GOPC: variants seen among roughly 807,000 people sequenced by gnomAD.
GOPC encodes the protein Golgi-associated PDZ and coiled-coil motif-containing protein.
A neutral mutation model predicts 51.2 loss-of-function variants in GOPC; 32 were observed. The observed-to-expected ratio is 0.63, with a 90% confidence interval of 0.47 to 0.84. GOPC has a LOEUF of 0.84. Among genes scored for constraint, GOPC ranks in the 40% least tolerant of loss-of-function variants. The probability of loss-of-function intolerance (pLI) is 0.00; values close to 1 mark genes in which losing one functional copy is unlikely to be tolerated. For missense variants in GOPC, 441 were observed against 555.5 expected (o/e 0.79, Z 2.07); for synonymous variants, 190 against 205.1 (o/e 0.93, Z 0.63).
Position 117,587,078 on chromosome 6 carries a change from C to G in GOPC, c.286-8014G>C, listed in dbSNP as rs1163222918. Among the ~76,000 whole-genome samples, 4 of 152,088 alleles carry G rather than the reference C, an allele frequency of 2.6e-5. 1 individual carries two copies. In the Middle Eastern group the frequency reaches 9.5e-3, roughly 361 times the overall value. ...AGGTCAAATTGAAAATCTCTGCCATCCCTCAAGATAGGAAATAATACTCCT... is the reference window on the plus strand; with the variant it reads ...AGGTCAAATTGAAAATCTCTGCCATGCCTCAAGATAGGAAATAATACTCCT... On this transcript the variant is annotated intron_variant, in intron 1 of 8. Coordinates refer to ENST00000368498, the MANE Select transcript of GOPC (RefSeq NM_020399.4).
At chr6:117,594,482 A>G (rs975365389) in intron 1 of GOPC, among the ~76,000 whole-genome samples, 2 of 152,326 alleles carry the variant, frequency 1.3e-5, no homozygotes, top group South Asian at 2.1e-4. Context: ...TTCTCCCAAC[A>G]AATTCCTCCA....
intron 8 of GOPC, among the ~76,000 whole-genome samples, chr6:117,563,722 G>A (rs534443708): frequency 2.0e-5 from 3 of 147,124 alleles, no homozygotes; most frequent in Non-Finnish European, 4.5e-5. Context: ...ACTCTGTCTC[G>A]ATTAAAAAAA....
chr6:117,576,154 A>T (rs896520578), intron 3 of GOPC, among the ~76,000 whole-genome samples: 14 of 152,248 alleles, frequency 9.2e-5, no homozygotes, highest in South Asian at 4.1e-4. Context: ...TCCTAAAAAA[A>T]ATATATTTAC....
At chr6:117,587,180 A>G (rs923698873) in intron 1 of GOPC, among the ~76,000 whole-genome samples, 2 of 151,834 alleles carry the variant, frequency 1.3e-5, no homozygotes, top group Non-Finnish European at 2.9e-5. Context: ...TGTTCACTCT[A>G]TTTTTTTTCC....
In GOPC at chr6:117,577,428, A is replaced by G. The variant is rs201483635; in HGVS notation, c.474+20T>C. The G allele has an allele frequency of 1.3e-5, 21 of 1,602,956 alleles. No individual in the cohort carries two copies. Among genetic ancestry groups the G allele is most frequent in the Non-Finnish European group, 1.7e-5 (20 of 1,174,164 alleles). ...ACTTCAGCGTGACATATTAAAGCAA[A>G]ACAGAAACAATATACTTACCAGCTC... On this transcript the variant is annotated intron_variant, in intron 3 of 8. Transcript: ENST00000368498.
chr6:117,596,395 A>G (rs1780198321), intron 1 of GOPC, among the ~76,000 whole-genome samples: 1 of 152,146 alleles, frequency 6.6e-6, no homozygotes, highest in African/African-American at 2.4e-5. Flanking sequence ...TTTTAGTTTA[A>G]TTAAGTCCCA....
At chr6:117,587,046 T>C (rs564525073) in intron 1 of GOPC, among the ~76,000 whole-genome samples, 6 of 152,146 alleles carry the variant, frequency 3.9e-5, no homozygotes, top group Non-Finnish European at 8.8e-5. Flanking sequence ...ACAGAAAATA[T>C]ATTCAAAGGT....
chr6:117,573,888 T>G (rs1779842166), intron 4 of GOPC, among the ~76,000 whole-genome samples: 1 of 152,144 alleles, frequency 6.6e-6, no homozygotes, highest in African/African-American at 2.4e-5. Context: ...TATACTTAAT[T>G]CAAATAAATC....
At chr6:117,573,913 T>G (rs1290101996) in intron 4 of GOPC, among the ~76,000 whole-genome samples, 2 of 152,206 alleles carry the variant, frequency 1.3e-5, no homozygotes, top group East Asian at 3.8e-4. Flanking sequence ...AAAAAATTTA[T>G]GAGATTAATG....
intron 7 of GOPC, among the ~76,000 whole-genome samples, chr6:117,568,998 G>A (rs1264692458): frequency 8.5e-5 from 13 of 152,132 alleles, no homozygotes; most frequent in African/African-American, 3.1e-4. Context: ...AACATTTTAA[G>A]TACAACTGTA....
At chr6:117,588,274 A>G (rs894551428) in intron 1 of GOPC, among the ~76,000 whole-genome samples, 1 of 151,920 alleles carries the variant, frequency 6.6e-6, no homozygotes, top group Non-Finnish European at 1.5e-5. Context: ...AGGCCTCAGC[A>G]AACTTTTTTT....
Position 117,561,319 on chromosome 6 carries a change from TA to T in GOPC, c.*1934del, listed in dbSNP as rs1256900850. ...CGGTAGTTCTTGAAAATCAAAGGGT[TA>T]TAGCTTACATTTCCTAAGGATTCAG... On this transcript the variant is annotated 3_prime_UTR_variant, in exon 9 of 9. Coordinates refer to ENST00000368498, the MANE Select transcript of GOPC (RefSeq NM_020399.4). 1 of 224,850 alleles carries T rather than the reference TA, an allele frequency of 4.4e-6. No homozygotes were observed. Among genetic ancestry groups the T allele is most frequent in the African/African-American group, 2.2e-5 (1 of 44,902 alleles). 13.9% of individuals were successfully genotyped at this position (224,850 alleles called of 1,614,324 possible).
At chr6:117,589,447 G>A (rs935927360) in intron 1 of GOPC, among the ~76,000 whole-genome samples, 1 of 152,222 alleles carries the variant, frequency 6.6e-6, no homozygotes, top group Non-Finnish European at 1.5e-5. Flanking sequence ...AGCCTCCCCA[G>A]GAGCTGGGAT....
rs144619835 is a variant in GOPC at position 117,574,940 on chromosome 6, G to A, written c.650+237C>T. 7.2e-5 allele frequency among the ~76,000 whole-genome samples: 11 copies of A among 152,142 alleles called. No homozygotes were observed. In the East Asian group the frequency reaches 9.7e-4, roughly 13 times the overall value. On this transcript the variant is annotated intron_variant, in intron 4 of 8. Coordinates refer to ENST00000368498, the MANE Select transcript of GOPC (RefSeq NM_020399.4). ...CTAAAAATACAAAATTTAGCTGGCC[G>A]TGGTGGCAGGCACCTGTAATCCCAG...
intron 1 of GOPC, among the ~76,000 whole-genome samples, chr6:117,599,010 G>T (rs1771941197): frequency 1.3e-5 from 2 of 152,022 alleles, no homozygotes; most frequent in South Asian, 4.1e-4. Context: ...CCCCTAAAAA[G>T]ATGCGACTAT....
At chr6:117,583,750 G>C (rs1779993022) in intron 1 of GOPC, among the ~76,000 whole-genome samples, 1 of 151,802 alleles carries the variant, frequency 6.6e-6, no homozygotes, top group Non-Finnish European at 1.5e-5. Context: ...GTATTTTAAG[G>C]TATTATCTTT....
intron 3 of GOPC, 25 bp from the exon 4 acceptor site, chr6:117,575,377 A>G (rs1185249046): frequency 6.5e-7 from 1 of 1,533,326 alleles, no homozygotes; most frequent in Non-Finnish European, 8.9e-7. Context: ...AAAGCATATA[A>G]TTTAATGAAA....
rs535735451 is a variant in GOPC at position 117,587,356 on chromosome 6, T to C, written c.286-8292A>G. On this transcript the variant is annotated intron_variant, in intron 1 of 8. Transcript: ENST00000368498. ...ACATAGAGGTTAGGTAACTTCACCA[T>C]GGTCATTAAAAAGCCAGTAAACCAG... is the stretch of plus-strand genomic sequence containing the variant. Among the ~76,000 whole-genome samples, 9 of 152,182 alleles carry C rather than the reference T, an allele frequency of 5.9e-5. No homozygotes were observed. In the South Asian group the frequency reaches 1.9e-3, roughly 32 times the overall value.
intron 1 of GOPC, among the ~76,000 whole-genome samples, chr6:117,600,475 G>A (rs187009484): frequency 1.1e-3 from 174 of 152,256 alleles, no homozygotes; most frequent in Admixed American, 2.3e-3. Flanking sequence ...TATACCATGT[G>A]GTAAAGGCTA....
Sources: allele counts gnomAD v4.1 joint callset (sites outside exome capture counted in the v4.1 genomes callset), GRCh38; gene constraint gnomAD v4.1.1; transcripts MANE v1.5; gene names NCBI Gene and HGNC (gene_info 2026-07-23, HGNC 2026-07-21).